Variants in ZFPM2 observed in about 807,000 individuals in gnomAD.
The protein encoded by ZFPM2 is zinc finger protein, FOG family member 2.
Under a neutral mutation model 98.6 loss-of-function variants are expected in ZFPM2, and 20 were observed. The ratio of observed to expected loss-of-function variants is 0.20; its 90% CI spans 0.14 to 0.29. The LOEUF is 0.29. ZFPM2 is among the 10% of genes least tolerant of loss of function. The pLI is 1.00. For synonymous variants in ZFPM2, 518 were observed against 502.7 expected, an observed-to-expected ratio of 1.03 and a Z score of -0.41; for missense variants, 1,310 against 1,388.6, an observed-to-expected ratio of 0.94 and a Z score of 0.90.
chr8:105,750,527 T>A (rs1316467390), intron 5 of ZFPM2, among the ~76,000 whole-genome samples: 1 of 152,058 alleles, frequency 6.6e-6, no homozygotes, highest in Non-Finnish European at 1.5e-5. Context: ...TTCAGGAAAT[T>A]TTAAAAATGT....
intron 6 of ZFPM2, chr8:105,798,311 G>A (rs200914250): frequency 2.6e-4 from 40 of 155,834 alleles, no homozygotes; most frequent in African/African-American, 4.3e-4. Flanking sequence ...TTAGCCAGGC[G>A]TGGTGGCACT....
chr8:105,577,925 T>C (rs781034227), intron 4 of ZFPM2, among the ~76,000 whole-genome samples: 16 of 152,064 alleles, frequency 1.1e-4, no homozygotes, highest in Non-Finnish European at 2.2e-4. Context: ...ACTAAGATGG[T>C]ATAATAAATG....
intron 1 of ZFPM2, among the ~76,000 whole-genome samples, chr8:105,389,077 C>G (rs947606488): frequency 7.2e-6 from 1 of 139,682 alleles, no homozygotes; most frequent in South Asian, 2.3e-4. Context: ...AGGGGAGAGA[C>G]GAATAGATAC....
chr8:105,444,448 C>T (rs1186891639), intron 3 of ZFPM2, 67 bp downstream of exon 3: 3 of 1,247,476 alleles, frequency 2.4e-6, no homozygotes, highest in Admixed American at 5.3e-5. Context: ...TTCTTTTTTT[C>T]TTGAACATCA....
At chr8:105,411,723 C>G (rs1472841417) in intron 1 of ZFPM2, among the ~76,000 whole-genome samples, 1 of 151,744 alleles carries the variant, frequency 6.6e-6, no homozygotes, top group Admixed American at 6.6e-5. Context: ...TGGACTGAGA[C>G]CTGATTACAA....
chr8:105,401,129 A>AT (rs985728672), intron 1 of ZFPM2, among the ~76,000 whole-genome samples: 37 of 150,496 alleles, frequency 2.5e-4, no homozygotes, highest in African/African-American at 6.3e-4. Flanking sequence ...AAGTTTTGTG[A>AT]TTTTTTTTTC....
intron 1 of ZFPM2, among the ~76,000 whole-genome samples, chr8:105,353,301 C>A (rs2941653): frequency 0.26 from 39,334 of 151,930 alleles, 5,974 homozygotes; most frequent in Admixed American, 0.41. Context: ...TCAGATGTCC[C>A]CCTAGTAGAG....
intron 3 of ZFPM2, among the ~76,000 whole-genome samples, chr8:105,467,014 C>T (rs914647822): frequency 1.3e-5 from 2 of 151,974 alleles, no homozygotes; most frequent in African/African-American, 4.8e-5. Flanking sequence ...GGAAATGATG[C>T]CTACCTCCTG....
At chr8:105,482,417 A>G (rs1249775717) in intron 3 of ZFPM2, among the ~76,000 whole-genome samples, 2 of 152,094 alleles carry the variant, frequency 1.3e-5, no homozygotes, top group Non-Finnish European at 2.9e-5. Flanking sequence ...CATTAACTGG[A>G]TACTTCTCTT....
intron 1 of ZFPM2, among the ~76,000 whole-genome samples, chr8:105,327,415 C>A (rs995625169): frequency 2.0e-5 from 3 of 151,608 alleles, no homozygotes; most frequent in Non-Finnish European, 3.0e-5. Context: ...GAATATTGAA[C>A]AATGGTATAC....
chr8:105,592,668 G>C (rs904394481), intron 4 of ZFPM2, among the ~76,000 whole-genome samples: 1 of 151,942 alleles, frequency 6.6e-6, no homozygotes, highest in African/African-American at 2.4e-5. Context: ...GTTGAAAGAG[G>C]AGGAAGATGT....
intron 5 of ZFPM2, among the ~76,000 whole-genome samples, chr8:105,659,766 G>A (rs1175878029): frequency 6.6e-6 from 1 of 152,044 alleles, no homozygotes; most frequent in African/African-American, 2.4e-5. Flanking sequence ...AATCTTTTTA[G>A]ACAAGGATAA....
intron 5 of ZFPM2, among the ~76,000 whole-genome samples, chr8:105,694,235 C>T (rs367671822): frequency 6.6e-6 from 1 of 151,952 alleles, no homozygotes; most frequent in Non-Finnish European, 1.5e-5. Flanking sequence ...ATCTGCCCCC[C>T]GCGGCCTCCC....
At chr8:105,588,464 A>T (rs1815773437) in intron 4 of ZFPM2, among the ~76,000 whole-genome samples, 1 of 152,192 alleles carries the variant, frequency 6.6e-6, no homozygotes, top group African/African-American at 2.4e-5. Context: ...GTATCAAAAT[A>T]AAAAAGCATT....
intron 3 of ZFPM2, among the ~76,000 whole-genome samples, chr8:105,524,673 G>A (rs1460640206): frequency 1.3e-5 from 2 of 152,152 alleles, no homozygotes; most frequent in African/African-American, 2.4e-5. Flanking sequence ...GATGGTATCT[G>A]TGATCAAAGA....
chr8:105,750,004 A>T (rs1284774452), intron 5 of ZFPM2, among the ~76,000 whole-genome samples: 1 of 151,616 alleles, frequency 6.6e-6, no homozygotes, highest in Non-Finnish European at 1.5e-5. Flanking sequence ...ATGACAGCAA[A>T]CAAAGAACGA....
chr8:105,579,320 C>T (rs927139114), intron 4 of ZFPM2, among the ~76,000 whole-genome samples: 5 of 152,116 alleles, frequency 3.3e-5, no homozygotes, highest in African/African-American at 1.2e-4. Context: ...AAAGTAAAAA[C>T]TAGCCTTAAG....
At position 105,349,384 on chromosome 8, in the gene ZFPM2, C is replaced by A. The variant is rs545541267; in HGVS notation, c.40+30403C>A. ...ATGTGGTCTGTAATTGTATACAAAC[C>A]TTATAACAAAGAAAGTGACAACAAA... On this transcript the variant is annotated intron_variant, in intron 1 of 7. Transcript: ENST00000407775. Among the ~76,000 whole-genome samples the A allele has an allele frequency of 7.2e-5, 11 of 152,196 alleles. No individual in the cohort carries two copies. In the South Asian group the frequency reaches 2.3e-3, roughly 32 times the overall value.
intron 3 of ZFPM2, among the ~76,000 whole-genome samples, chr8:105,485,628 A>C (rs1813216572): frequency 6.6e-6 from 1 of 152,194 alleles, no homozygotes; most frequent in African/African-American, 2.4e-5. Context: ...GAGGACTTGA[A>C]AGAAGGCAGG....
Sources: allele counts gnomAD v4.1 joint callset (sites outside exome capture counted in the v4.1 genomes callset), GRCh38; gene constraint gnomAD v4.1.1; transcripts MANE v1.5; gene names NCBI Gene and HGNC (gene_info 2026-07-23, HGNC 2026-07-21).